PCDH9: variants seen among roughly 807,000 people sequenced by gnomAD.
PCDH9 encodes protocadherin-9.
Under a neutral mutation model 70.6 loss-of-function variants are expected in PCDH9, and 24 were observed. The observed-to-expected ratio is 0.34, with a 90% CI of 0.25 to 0.48. The LOEUF (loss-of-function observed/expected upper bound fraction) is 0.48. PCDH9 is among the 20% of genes least tolerant of loss of function. PCDH9 has a pLI of 0.99. For missense variants in PCDH9, 1,281 were observed against 1,503.6 expected (o/e 0.85, Z 2.45); for synonymous variants, 562 against 558.5 (o/e 1.01, Z -0.09).
intron 3 of PCDH9, among the ~76,000 whole-genome samples, chr13:66,659,553 T>TGTGTTTGTGTGTGTGTG: frequency 6.7e-6 from 1 of 148,768 alleles, no homozygotes; most frequent in Non-Finnish European, 1.5e-5. Context: ...GTGTGTGTGT[T>TGTGTTTGTGTGTGTGTG]TGTGTGTGTT....
intron 2 of PCDH9, chr13:67,224,730 CT>C (rs200944675): frequency 0.2 from 102,577 of 519,638 alleles, 246 homozygotes; most frequent in Non-Finnish European, 0.22. Flanking sequence ...AGCAAGCATT[CT>C]TTTTTTTTTT....
intron 3 of PCDH9, among the ~76,000 whole-genome samples, chr13:66,850,183 G>A (rs1692058390): frequency 6.6e-6 from 1 of 152,150 alleles, no homozygotes; most frequent in South Asian, 2.1e-4. Context: ...GACACCACTA[G>A]AGAAACATAT....
intron 3 of PCDH9, among the ~76,000 whole-genome samples, chr13:66,798,667 A>G (rs1331199114): frequency 3.3e-5 from 5 of 152,304 alleles, no homozygotes; most frequent in Admixed American, 2.6e-4. Flanking sequence ...CGCCTTCCCA[A>G]TATCAAACAT....
intron 4 of PCDH9, among the ~76,000 whole-genome samples, chr13:66,497,435 T>C (rs1959134074): frequency 6.6e-6 from 1 of 152,176 alleles, no homozygotes; most frequent in African/African-American, 2.4e-5. Flanking sequence ...TGTTTAGCAT[T>C]TTGCGAAATC....
chr13:66,935,376 T>G (rs921998669), intron 2 of PCDH9, among the ~76,000 whole-genome samples: 4 of 152,242 alleles, frequency 2.6e-5, no homozygotes, highest in Non-Finnish European at 4.4e-5. Context: ...TTTAAAAAAT[T>G]GAGCACTTAA....
intron 4 of PCDH9, among the ~76,000 whole-genome samples, chr13:66,590,514 C>CA (rs1286405958): frequency 1.3e-5 from 2 of 151,724 alleles, no homozygotes; most frequent in East Asian, 1.9e-4. Flanking sequence ...CTTTCTGGGA[C>CA]AAAAAATCCA....
At chr13:66,312,301 A>C (rs1593781627) in intron 4 of PCDH9, among the ~76,000 whole-genome samples, 1 of 152,322 alleles carries the variant, frequency 6.6e-6, no homozygotes, top group East Asian at 1.9e-4. Context: ...ATGCTACTTC[A>C]TTTCAGTAAA....
At position 67,164,475 on chromosome 13, in the gene PCDH9, T is replaced by A. The variant is rs56296234; in HGVS notation, c.3036+60930A>T. 7.1e-3 allele frequency among the ~76,000 whole-genome samples: 1,064 copies of A among 150,346 alleles called. 14 individuals carry two copies. Among genetic ancestry groups the A allele is most frequent in the African/African-American group, 0.025 (1,009 of 40,808 alleles). On this transcript the variant is annotated intron_variant, in intron 2 of 4. Transcript: ENST00000377865. ...CTATAATCCCAGCTACTTGGGAGGC[T>A]GAAGCAGAGAATTGCTTGAACCAGG...
At chr13:67,199,409 A>T (rs760360524) in intron 2 of PCDH9, among the ~76,000 whole-genome samples, 1 of 151,692 alleles carries the variant, frequency 6.6e-6, no homozygotes, top group Non-Finnish European at 1.5e-5. Flanking sequence ...TTCTAAAATG[A>T]CCAATAATAC....
intron 3 of PCDH9, among the ~76,000 whole-genome samples, chr13:66,853,184 C>A (rs2081341676): frequency 7.2e-6 from 1 of 139,548 alleles, no homozygotes. Context: ...GTTTACCAGT[C>A]AAAATCTGAA....
At chr13:66,713,192 A>G (rs1182202387) in intron 3 of PCDH9, among the ~76,000 whole-genome samples, 1 of 152,164 alleles carries the variant, frequency 6.6e-6, no homozygotes, top group Non-Finnish European at 1.5e-5. Context: ...AGGTACAGAC[A>G]TTAAAGACAG....
chr13:66,509,812 C>T (rs1201131090), intron 4 of PCDH9, among the ~76,000 whole-genome samples: 2 of 152,058 alleles, frequency 1.3e-5, no homozygotes, highest in East Asian at 1.9e-4. Context: ...GAAATTTTTG[C>T]TTTGACATTT....
chr13:66,800,101 A>T (rs1168112308), intron 3 of PCDH9, among the ~76,000 whole-genome samples: 1 of 152,184 alleles, frequency 6.6e-6, no homozygotes, highest in Non-Finnish European at 1.5e-5. Flanking sequence ...CATAATATTT[A>T]GAATAAAATC....
chr13:66,676,654 T>C (rs1458785115), intron 3 of PCDH9, among the ~76,000 whole-genome samples: 16 of 152,122 alleles, frequency 1.1e-4, no homozygotes, highest in Non-Finnish European at 1.5e-5. Context: ...TCTTTAAAAA[T>C]AACTTACTGA....
intron 3 of PCDH9, chr13:66,880,014 A>T (rs2081894639): frequency 2.6e-5 from 4 of 152,216 alleles, no homozygotes; most frequent in Admixed American, 1.3e-4. Flanking sequence ...AATATAAGCA[A>T]ATCCAAAAAA....
intron 2 of PCDH9, among the ~76,000 whole-genome samples, chr13:67,022,991 C>G (rs557255361): frequency 6.6e-6 from 1 of 152,298 alleles, no homozygotes; most frequent in Non-Finnish European, 1.5e-5. Flanking sequence ...CAAATTGAAT[C>G]TGAAAATAGC....
chr13:66,975,626 G>A (rs1240645144), intron 2 of PCDH9, among the ~76,000 whole-genome samples: 1 of 151,860 alleles, frequency 6.6e-6, no homozygotes, highest in African/African-American at 2.4e-5. Flanking sequence ...GTGGAACAGG[G>A]GACAAGGAGA....
chr13:66,834,157 C>CTTTTT (rs11431335), intron 3 of PCDH9, among the ~76,000 whole-genome samples: 2 of 124,556 alleles, frequency 1.6e-5, no homozygotes, highest in Non-Finnish European at 3.3e-5. Flanking sequence ...TACCTATGGT[C>CTTTTT]TTTTTTTTTT....
At chr13:67,178,497 A>G (rs545231206) in intron 2 of PCDH9, among the ~76,000 whole-genome samples, 2 of 152,220 alleles carry the variant, frequency 1.3e-5, no homozygotes, top group South Asian at 2.1e-4. Context: ...GTGTGTTCCC[A>G]CTGCAACTTA....
Sources: gnomAD v4.1 joint callset for allele counts (sites outside exome capture counted in the v4.1 genomes callset) on GRCh38, gnomAD v4.1.1 for gene constraint, MANE v1.5 for transcripts, NCBI Gene and HGNC (gene_info 2026-07-23, HGNC 2026-07-21) for gene names.